FAM83G: variants seen among roughly 807,000 people sequenced by gnomAD.
FAM83G encodes the protein protein FAM83G.
A neutral mutation model predicts 61.5 loss-of-function variants in FAM83G; 38 were observed. The observed-to-expected ratio is 0.62, with a 90% confidence interval of 0.48 to 0.81. The LOEUF is 0.81. FAM83G is among the 30% of genes least tolerant of loss of function. The pLI, the probability that FAM83G is intolerant of heterozygous loss-of-function variation, is 0.00. For synonymous variants in FAM83G, 470 were observed against 476.1 expected (o/e 0.99, Z 0.17); for missense variants, 989 against 1,133.6 (o/e 0.87, Z 1.83).
intron 2 of FAM83G, among the ~76,000 whole-genome samples, chr17:18,992,876 G>A (rs1275110191): frequency 1.3e-5 from 2 of 152,156 alleles, no homozygotes; most frequent in African/African-American, 4.8e-5. Context: ...GCTGGTGGCC[G>A]CCCTCTCCCT....
At chr17:18,979,493 C>T (rs1422382840) in intron 4 of FAM83G, 56 bp downstream of exon 4, 2 of 1,598,930 alleles carry the variant, frequency 1.3e-6, no homozygotes, top group Admixed American at 1.7e-5. Context: ...AGGGCAGAAG[C>T]CAGTTGGGAG....
intron 2 of FAM83G, 61 bp from the exon 3 acceptor site, chr17:18,988,475 CTG>C: frequency 1.3e-6 from 2 of 1,590,214 alleles, no homozygotes; most frequent in Admixed American, 3.4e-5. Context: ...ACAGGGTGCC[CTG>C]GCAGAGCGCA....
At position 19,003,380 on chromosome 17, in the gene FAM83G, C is replaced by T; in HGVS notation, c.522+140G>A. ...ACGAAGGTGGGGAGGAAACCTCCAC[C>T]CAAGAGGCAGCCAGGGAAAACAGCA... is the stretch of plus-strand genomic sequence containing the variant. On this transcript the variant is annotated intron_variant, in intron 2 of 5. Transcript: ENST00000388995. The surrounding 1 kb of genome is among the most constrained non-coding windows in gnomAD (Gnocchi z 4.5). 2 of 951,746 alleles carry T rather than the reference C, an allele frequency of 2.1e-6. No individual in the cohort carries two copies. The highest frequency in any genetic ancestry group is 2.8e-6 in the Non-Finnish European group (2 of 702,476). 59.0% of individuals were successfully genotyped at this position (951,746 alleles called of 1,614,324 possible). A position where few individuals can be genotyped will look rare whatever the true frequency, so the allele number is the denominator to read the frequency against.
At position 18,969,227 on chromosome 17, in the gene FAM83G, C is replaced by T; in HGVS notation, c.*2132G>A. ...GGGGTCAGAAGGCCACCTCCCCCTA[C>T]AGGCCCGAGGGAGCAGCCCAGGAAG... On this transcript the variant is annotated 3_prime_UTR_variant, in exon 6 of 6. Transcript: ENST00000388995. 1.9e-6 allele frequency: 3 copies of T among 1,581,596 alleles called. No individual in the cohort carries two copies. The highest frequency in any genetic ancestry group is 2.6e-6 in the Non-Finnish European group (3 of 1,158,184).
chr17:18,988,023 C>T (rs2043313640), intron 3 of FAM83G, among the ~76,000 whole-genome samples: 1 of 152,240 alleles, frequency 6.6e-6, no homozygotes, highest in East Asian at 1.9e-4. Flanking sequence ...AGCACCTAAT[C>T]AGTGTTTATT....
At position 18,977,626 on chromosome 17, in the gene FAM83G, C is replaced by T; in HGVS notation, c.2040G>A (p.Leu680=). The T allele has an allele frequency of 1.9e-6, 3 of 1,609,738 alleles. No homozygotes were observed. In the South Asian group the frequency reaches 3.3e-5, roughly 18 times the overall value. Residue 680 remains leucine, a synonymous_variant, in exon 5 of 6, where the codon TTG becomes TTA. Transcript: ENST00000388995. ...TGGAGCGCTGGGCCTGCATCCTCTT[C>T]AACGCATCTGCTTCTTCTCTTCCCC... is the stretch of plus-strand genomic sequence containing the variant. ...QSRGREEADA[L]KRMQAQRSTD...
rs756147216 is a variant in FAM83G at position 18,971,238 on chromosome 17, G to A, written c.*121C>T. The stretch of plus-strand genomic sequence containing the variant: ...GACCAGGTGAGTGCCAACGTCTCCC[G>A]CCCATCCCACCTTCCTGCCGTCCCA... On this transcript the variant is annotated 3_prime_UTR_variant, in exon 6 of 6. Coordinates refer to ENST00000388995, the MANE Select transcript of FAM83G (RefSeq NM_001039999.3). This position sits in a 1 kb window ranked among gnomAD's most constrained non-coding sequence, Gnocchi z 5.5. 5.0e-6 allele frequency: 8 copies of A among 1,612,732 alleles called. No homozygotes were observed. Among genetic ancestry groups the A allele is most frequent in the East Asian group, 4.5e-5 (2 of 44,854 alleles).
Position 18,996,123 on chromosome 17 carries a change from A to G in FAM83G, c.522+7397T>C, listed in dbSNP as rs1474639168. 6.7e-6 allele frequency among the ~76,000 whole-genome samples: 1 copy of G among 148,554 alleles called. No individual in the cohort carries two copies. The highest frequency in any genetic ancestry group is 1.5e-5 in the Non-Finnish European group (1 of 67,556). Reference sequence around the variant, plus strand: ...CCACAAGACAACAGGCAATATCTTTAAAGTACTAAATGGAAAAAAAAAAAA... The same window carrying G: ...CCACAAGACAACAGGCAATATCTTTGAAGTACTAAATGGAAAAAAAAAAAA... On this transcript the variant is annotated intron_variant, in intron 2 of 5. Coordinates refer to ENST00000388995, the MANE Select transcript of FAM83G (RefSeq NM_001039999.3). The surrounding 1 kb of genome is among the most constrained non-coding windows in gnomAD (Gnocchi z 4.4).
rs1444919640 is a variant in FAM83G at position 19,000,274 on chromosome 17, C to T, written c.522+3246G>A. Among the ~76,000 whole-genome samples the T allele has an allele frequency of 1.3e-5, 2 of 152,184 alleles. No individual in the cohort carries two copies. The highest frequency in any genetic ancestry group is 2.4e-5 in the African/African-American group (1 of 41,438). Reference sequence around the variant, plus strand: ...CTGAGAGTGAGACCTGGGACCCACCCGCCTCTTGTCCCAGGGGAGTCTAGG... The same window carrying T: ...CTGAGAGTGAGACCTGGGACCCACCTGCCTCTTGTCCCAGGGGAGTCTAGG... On this transcript the variant is annotated intron_variant, in intron 2 of 5. Transcript: ENST00000388995. This position sits in a 1 kb window ranked among gnomAD's most constrained non-coding sequence, Gnocchi z 5.2.
chr17:18,980,235 C>G (rs910436609), intron 3 of FAM83G, among the ~76,000 whole-genome samples: 4 of 152,192 alleles, frequency 2.6e-5, no homozygotes, highest in Non-Finnish European at 5.9e-5. Flanking sequence ...CTGCTGGGCT[C>G]TGCTCCGAGG....
chr17:18,987,713 ATTCAC>A (rs1192961721), intron 3 of FAM83G, among the ~76,000 whole-genome samples: 1 of 152,206 alleles, frequency 6.6e-6, no homozygotes, highest in Non-Finnish European at 1.5e-5. Flanking sequence ...TGTGCCTTAA[ATTCAC>A]TTCAACTGTG....
Position 18,978,040 on chromosome 17 carries a change from C to T in FAM83G, c.1626G>A (p.Arg542=). The part of the protein sequence containing the change: ...EEAPQNGTDH[R]LPRMAGPGHA... ...GGCCTGGGCCTGCCATCCTGGGTAG[C>T]CTATGGTCTGTCCCATTCTGGGGAG... is the stretch of plus-strand genomic sequence containing the variant. Residue 542 remains arginine (R), a synonymous_variant, in exon 5 of 6, where the codon AGG becomes AGA. Coordinates refer to ENST00000388995, the MANE Select transcript of FAM83G (RefSeq NM_001039999.3). The T allele has an allele frequency of 2.0e-6, 3 of 1,532,592 alleles. No homozygotes were observed. The highest frequency in any genetic ancestry group is 2.6e-6 in the Non-Finnish European group (3 of 1,141,928). The allele number at this position is 1,532,592 out of a possible 1,614,324, so 94.9% of individuals were successfully genotyped here. A position where few individuals can be genotyped will look rare whatever the true frequency, so the allele number is the denominator to read the frequency against.
Position 19,003,805 on chromosome 17 carries a change from C to T in FAM83G, c.237G>A (p.Glu79=). The change falls in exon 2 of 6, where the codon GAG becomes GAA. Residue 79 remains glutamate, a synonymous_variant. Transcript: ENST00000388995. The surrounding 1 kb of genome is among the most constrained non-coding windows in gnomAD (Gnocchi z 4.5). ...ETIEVYDPGS[E]DPRGTGPSQG... ...GAGAGGGGCCCGTGCCCCGAGGGTC[C>T]TCAGAGCCCGGGTCGTACACCTCGA... 2 of 1,612,704 alleles carry T rather than the reference C, an allele frequency of 1.2e-6. No individual in the cohort carries two copies. The highest frequency in any genetic ancestry group is 1.7e-6 in the Non-Finnish European group (2 of 1,179,820).
chr17:18,976,531 A>G (rs1038517624), intron 5 of FAM83G: 27 of 338,340 alleles, frequency 8.0e-5, no homozygotes, highest in African/African-American at 5.7e-4. Context: ...TCCCCATACC[A>G]CCCCACCCAG....
chr17:18,979,704 C>G, intron 3 of FAM83G, 31 bp from the exon 4 acceptor site: 1 of 1,611,440 alleles, frequency 6.2e-7, no homozygotes. Flanking sequence ...CAGAATTACA[C>G]GACTGCAACC....
At chr17:18,994,678 TGCAG>T (rs2043519601) in intron 2 of FAM83G, among the ~76,000 whole-genome samples, 1 of 152,120 alleles carries the variant, frequency 6.6e-6, no homozygotes, top group African/African-American at 2.4e-5. Context: ...ACACAGGTCC[TGCAG>T]GGGGTGTCCT....
rs2042824678 is a variant in FAM83G, at chr17:18,970,905, A to C, written c.*454T>G. 3.0e-6 allele frequency: 3 copies of C among 1,012,336 alleles called. No individual in the cohort carries two copies. Among genetic ancestry groups the C allele is most frequent in the East Asian group, 2.5e-5 (1 of 39,438 alleles). The allele number at this position is 1,012,336 out of a possible 1,614,324, so 62.7% of individuals were successfully genotyped here. A position where few individuals can be genotyped will look rare whatever the true frequency, so the allele number is the denominator to read the frequency against. ...GGGAAAGATGAGGTGGAAAAAACTCAAGTTTGATGCATCAGGAAGTTTCTT... is the reference window on the plus strand; with the variant it reads ...GGGAAAGATGAGGTGGAAAAAACTCCAGTTTGATGCATCAGGAAGTTTCTT... On this transcript the variant is annotated 3_prime_UTR_variant, in exon 6 of 6. Transcript: ENST00000388995.
At chr17:18,984,203 G>A (rs937200618) in intron 3 of FAM83G, among the ~76,000 whole-genome samples, 5 of 152,142 alleles carry the variant, frequency 3.3e-5, no homozygotes, top group Admixed American at 1.3e-4. Flanking sequence ...TTAGCCGGGC[G>A]TGGTGGCGGG....
rs963714799 is a variant in FAM83G, at chr17:19,004,356, G to A, written c.-128-187C>T. 10 of 292,078 alleles carry A rather than the reference G, an allele frequency of 3.4e-5. No individual in the cohort carries two copies. Among genetic ancestry groups the A allele is most frequent in the Non-Finnish European group, 6.4e-5 (10 of 156,290 alleles). 18.1% of individuals were successfully genotyped at this position (292,078 alleles called of 1,614,324 possible). Reference sequence around the variant, plus strand: ...GTAAGGGATCGGAACAGCGGTGAGGGAGCGGTGGGCCACGTCCCAGGGCTC... The same window carrying A: ...GTAAGGGATCGGAACAGCGGTGAGGAAGCGGTGGGCCACGTCCCAGGGCTC... On this transcript the variant is annotated intron_variant, in intron 1 of 5. Transcript: ENST00000388995. The surrounding 1 kb of genome is among the most constrained non-coding windows in gnomAD (Gnocchi z 5.4).
Sources: allele counts gnomAD v4.1 joint callset (sites outside exome capture counted in the v4.1 genomes callset), GRCh38; gene constraint gnomAD v4.1.1; non-coding constraint Gnocchi (gnomAD v3.1); transcripts MANE v1.5; gene names NCBI Gene and HGNC (gene_info 2026-07-23, HGNC 2026-07-21).